The following ELAVL2 variants were observed in gnomAD, a reference collection of about 807,000 sequenced individuals.
ELAVL2 encodes the protein ELAV-like protein 2.
A neutral mutation model predicts 34.6 loss-of-function variants in ELAVL2; 4 were observed. The observed-to-expected ratio is 0.12, with a 90% CI of 0.06 to 0.26. ELAVL2 has a LOEUF of 0.26. Ranked by LOEUF, ELAVL2 falls within the 10% of genes least tolerant of loss-of-function variation. ELAVL2 has a pLI of 1.00. For missense variants in ELAVL2, 432 were observed against 442.8 expected (o/e 0.98, Z 0.22); for synonymous variants, 193 against 154.8 (o/e 1.25, Z -1.83).
intron 3 of ELAVL2, among the ~76,000 whole-genome samples, chr9:23,705,981 A>T (rs1052909023): frequency 3.9e-5 from 6 of 152,062 alleles, no homozygotes; most frequent in African/African-American, 1.4e-4. Flanking sequence ...CTAAAAAAAA[A>T]TTCACCCTTA....
At position 23,691,620 on chromosome 9, in the gene ELAVL2, C is replaced by G. The variant is rs1389690989; in HGVS notation, c.*937G>C. 1 of 152,364 alleles carries G rather than the reference C, an allele frequency of 6.6e-6. No individual in the cohort carries two copies. The highest frequency in any genetic ancestry group is 1.9e-4 in the East Asian group (1 of 5,168). 9.4% of individuals were successfully genotyped at this position (152,364 alleles called of 1,614,324 possible). On this transcript the variant is annotated 3_prime_UTR_variant, in exon 7 of 7. Coordinates refer to ENST00000397312, the MANE Select transcript of ELAVL2 (RefSeq NM_004432.5). Reference sequence around the variant, plus strand: ...AAAATCACAAATCAATGTGAGCCACCTATCACATAATAACCAGGATGATCA... The same window carrying G: ...AAAATCACAAATCAATGTGAGCCACGTATCACATAATAACCAGGATGATCA...
intron 3 of ELAVL2, among the ~76,000 whole-genome samples, chr9:23,720,080 G>A (rs2043277884): frequency 6.6e-6 from 1 of 152,004 alleles, no homozygotes; most frequent in African/African-American, 2.4e-5. Flanking sequence ...ACCCGCCTCA[G>A]CCTCCCAAAG....
At chr9:23,750,561 C>A (rs539503774) in intron 2 of ELAVL2, among the ~76,000 whole-genome samples, 1 of 152,038 alleles carries the variant, frequency 6.6e-6, no homozygotes, top group South Asian at 2.1e-4. Context: ...CACTTGGCAC[C>A]ATGTTTAAAA....
chr9:23,757,874 G>A (rs2053954034), intron 2 of ELAVL2, among the ~76,000 whole-genome samples: 1 of 151,994 alleles, frequency 6.6e-6, no homozygotes, highest in South Asian at 2.1e-4. Context: ...TGCTAACACT[G>A]ACACAGTCTA....
At chr9:23,718,080 T>A (rs1433844672) in intron 3 of ELAVL2, among the ~76,000 whole-genome samples, 1 of 152,204 alleles carries the variant, frequency 6.6e-6, no homozygotes, top group Non-Finnish European at 1.5e-5. Flanking sequence ...ATTAGTCTTG[T>A]TATGGTTCCA....
chr9:23,840,982 C>T, the ELAVL2 span, among the ~76,000 whole-genome samples: 1 of 152,092 alleles, frequency 6.6e-6, no homozygotes, highest in African/African-American at 2.4e-5. Flanking sequence ...AGTTACTCAC[C>T]ATGATTGTCT....
chr9:23,836,504 ATG>A, the ELAVL2 span, among the ~76,000 whole-genome samples: 28 of 152,204 alleles, frequency 1.8e-4, no homozygotes, highest in Non-Finnish European at 3.5e-4. Context: ...GTGAAGATAC[ATG>A]TGTCTCCATA....
intron 1 of ELAVL2, among the ~76,000 whole-genome samples, chr9:23,787,909 G>T (rs1234017107): frequency 6.6e-6 from 1 of 152,158 alleles, no homozygotes; most frequent in Non-Finnish European, 1.5e-5. Flanking sequence ...AGGGCAAACA[G>T]AAGTTCAAAA....
intron 1 of ELAVL2, among the ~76,000 whole-genome samples, chr9:23,801,443 A>T (rs1405361208): frequency 6.6e-6 from 1 of 152,138 alleles, no homozygotes; most frequent in Non-Finnish European, 1.5e-5. Flanking sequence ...TACGTACAGG[A>T]GCTATTGGAA....
intron 3 of ELAVL2, among the ~76,000 whole-genome samples, chr9:23,709,970 A>G (rs2040492253): frequency 6.6e-6 from 1 of 152,158 alleles, no homozygotes; most frequent in Non-Finnish European, 1.5e-5. Context: ...GAGTGATATA[A>G]TAAACAAAGA....
At chr9:23,758,179 C>T (rs530258955) in intron 2 of ELAVL2, among the ~76,000 whole-genome samples, 1 of 152,102 alleles carries the variant, frequency 6.6e-6, no homozygotes, top group South Asian at 2.1e-4. Flanking sequence ...AAAATACGTA[C>T]TGAGAAACTG....
Position 23,692,632 on chromosome 9 carries a change from A to C in ELAVL2, c.1005T>G (p.Ala335=), listed in dbSNP as rs562782330. ...CTCCCAGACGGTATCCATTGAGGCT[A>C]GCTATCGCCATGGCAGCCTCATCAT... is the stretch of plus-strand genomic sequence containing the variant. ...TNYDEAAMAI[A]SLNGYRLGDR... is the part of the protein sequence containing the mutation. Residue 335 remains alanine, a synonymous_variant, in exon 7 of 7, where the codon GCT becomes GCG. Coordinates refer to ENST00000397312, the MANE Select transcript of ELAVL2 (RefSeq NM_004432.5). The C allele has an allele frequency of 3.1e-6, 5 of 1,614,200 alleles. No homozygotes were observed. Among genetic ancestry groups the C allele is most frequent in the Non-Finnish European group, 4.2e-6 (5 of 1,180,004 alleles).
At chr9:23,705,682 T>C (rs944872660) in intron 3 of ELAVL2, among the ~76,000 whole-genome samples, 2 of 152,320 alleles carry the variant, frequency 1.3e-5, no homozygotes, top group East Asian at 3.9e-4. Flanking sequence ...ATTCCTTGCA[T>C]GTGCAGTTCA....
At chr9:23,761,276 G>GTATGTCTAACTTCATA (rs2054932183) in intron 2 of ELAVL2, among the ~76,000 whole-genome samples, 2 of 151,762 alleles carry the variant, frequency 1.3e-5, no homozygotes, top group African/African-American at 4.8e-5. Context: ...CTAACTTCAT[G>GTATGTCTAACTTCATA]TATTTTTAGT....
At chr9:23,698,974 T>G (rs1209948237) in intron 5 of ELAVL2, among the ~76,000 whole-genome samples, 84 of 152,224 alleles carry the variant, frequency 5.5e-4, no homozygotes, top group Non-Finnish European at 8.8e-5. Flanking sequence ...GTTAAAAATC[T>G]GAAGAGAGAA....
chr9:23,702,559 C>T (rs2037642986), intron 4 of ELAVL2, among the ~76,000 whole-genome samples: 1 of 150,482 alleles, frequency 6.6e-6, no homozygotes, highest in South Asian at 2.1e-4. Flanking sequence ...TAAATGAGCA[C>T]TGGACCATCA....
At chr9:23,698,306 T>C (rs939075867) in intron 5 of ELAVL2, among the ~76,000 whole-genome samples, 1 of 152,176 alleles carries the variant, frequency 6.6e-6, no homozygotes, top group Non-Finnish European at 1.5e-5. Context: ...TTTTGAAAAC[T>C]GCAGTCAATT....
At chr9:23,774,620 T>C (rs905034933) in intron 1 of ELAVL2, among the ~76,000 whole-genome samples, 1 of 152,070 alleles carries the variant, frequency 6.6e-6, no homozygotes, top group Non-Finnish European at 1.5e-5. Flanking sequence ...CCTATTTTAA[T>C]TTACCTTATT....
chr9:23,765,102 G>A, intron 1 of ELAVL2: 1 of 1,591,478 alleles, frequency 6.3e-7, no homozygotes, highest in Non-Finnish European at 8.5e-7. Context: ...GTTGCCGTCT[G>A]CAATATGGAC....
Sources: allele counts gnomAD v4.1 joint callset (sites outside exome capture counted in the v4.1 genomes callset), GRCh38; gene constraint gnomAD v4.1.1; transcripts MANE v1.5; gene names NCBI Gene and HGNC (gene_info 2026-07-23, HGNC 2026-07-21).